CRTAC1: variants seen among roughly 807,000 people sequenced by gnomAD.
CRTAC1 encodes the protein cartilage acidic protein 1.
In CRTAC1, 37 loss-of-function variants were observed where a neutral mutation model predicts 67.8. The observed-to-expected ratio is 0.55, with a 90% CI of 0.42 to 0.72. The LOEUF (loss-of-function observed/expected upper bound fraction) is 0.72. CRTAC1 is among the 30% of genes least tolerant of loss of function. CRTAC1 has a pLI of 0.00. For synonymous variants in CRTAC1, 348 were observed against 371.0 expected, an observed-to-expected ratio of 0.94 and a Z score of 0.71; for missense variants, 780 against 931.6, an observed-to-expected ratio of 0.84 and a Z score of 2.12.
At chr10:98,022,784 A>G (rs1317840003) in intron 1 of CRTAC1, among the ~76,000 whole-genome samples, 1 of 152,044 alleles carries the variant, frequency 6.6e-6, no homozygotes, top group Non-Finnish European at 1.5e-5. Flanking sequence ...CATTTTTGAA[A>G]GGGCATTTTA....
At chr10:98,007,690 G>C (rs1289805136) in intron 2 of CRTAC1, among the ~76,000 whole-genome samples, 3 of 152,190 alleles carry the variant, frequency 2.0e-5, no homozygotes, top group African/African-American at 4.8e-5. Context: ...CTAAATGGCT[G>C]ATTTCACATC....
intron 11 of CRTAC1, among the ~76,000 whole-genome samples, chr10:97,884,877 T>C (rs976012236): frequency 3.9e-5 from 6 of 152,126 alleles, no homozygotes; most frequent in Non-Finnish European, 7.4e-5. Flanking sequence ...GGAAAGAGCA[T>C]GGTGGGAAGT....
intron 1 of CRTAC1, among the ~76,000 whole-genome samples, chr10:98,016,429 C>T (rs944463007): frequency 5.9e-5 from 9 of 152,176 alleles, no homozygotes; most frequent in African/African-American, 1.9e-4. Context: ...TAAAGAAATG[C>T]TCCTCAAAAG....
chr10:97,911,565 G>A (rs951315163), intron 5 of CRTAC1, among the ~76,000 whole-genome samples: 1 of 152,162 alleles, frequency 6.6e-6, no homozygotes, highest in Non-Finnish European at 1.5e-5. Context: ...AGCCCCAGCA[G>A]CTTTACAATG....
At chr10:97,954,260 T>C (rs1240307255) in intron 2 of CRTAC1, among the ~76,000 whole-genome samples, 2 of 152,092 alleles carry the variant, frequency 1.3e-5, no homozygotes, top group African/African-American at 4.8e-5. Context: ...ATTGCTTATC[T>C]TGAGAGGACC....
At chr10:97,914,429 G>A (rs2050730594) in intron 5 of CRTAC1, among the ~76,000 whole-genome samples, 1 of 152,232 alleles carries the variant, frequency 6.6e-6, no homozygotes, top group Non-Finnish European at 1.5e-5. Flanking sequence ...TGCCAGCCAT[G>A]TCCCATGTGC....
chr10:97,960,610 T>A (rs1590240620), intron 2 of CRTAC1, among the ~76,000 whole-genome samples: 2 of 152,194 alleles, frequency 1.3e-5, no homozygotes, highest in South Asian at 4.1e-4. Context: ...GCCCTCCAAG[T>A]CTTTAGCTGA....
At chr10:97,878,493 T>C in intron 14 of CRTAC1, 1 of 821,494 alleles carries the variant, frequency 1.2e-6, no homozygotes, top group Non-Finnish European at 1.6e-6. Context: ...TGCTGCATTC[T>C]TAAGTGTAAT....
intron 3 of CRTAC1, among the ~76,000 whole-genome samples, chr10:97,935,127 G>A (rs78400772): frequency 0.014 from 2,075 of 152,298 alleles, 17 homozygotes; most frequent in Non-Finnish European, 0.021. Context: ...TTGATTAAGA[G>A]GATGGATCTG....
chr10:98,020,715 A>G lies in CRTAC1; in HGVS notation c.25-9378T>C, dbSNP rs183357058. On this transcript the variant is annotated intron_variant, in intron 1 of 14. Transcript: ENST00000370597. ...AGGCTGAGGGGAGCAGGTGCATGGGAGATGTGCAGGTTTGTGTAGTGCAGT... is the reference window on the plus strand; with the variant it reads ...AGGCTGAGGGGAGCAGGTGCATGGGGGATGTGCAGGTTTGTGTAGTGCAGT... Among the ~76,000 whole-genome samples, 13 of 152,254 alleles carry G rather than the reference A, an allele frequency of 8.5e-5. No individual in the cohort carries two copies. The East Asian group carries it at 2.3e-3, about 27-fold the overall frequency.
At chr10:98,014,266 A>G (rs566333433) in intron 1 of CRTAC1, among the ~76,000 whole-genome samples, 3 of 152,344 alleles carry the variant, frequency 2.0e-5, no homozygotes, top group Admixed American at 6.5e-5. Flanking sequence ...ATCCCACTCC[A>G]GACTTAATAA....
At chr10:97,888,462 A>G (rs575965946) in intron 11 of CRTAC1, among the ~76,000 whole-genome samples, 2 of 151,628 alleles carry the variant, frequency 1.3e-5, no homozygotes, top group South Asian at 4.2e-4. Context: ...GAGTGTCAGA[A>G]TGTGTATCAG....
At chr10:98,025,956 G>A (rs948680183) in intron 1 of CRTAC1, among the ~76,000 whole-genome samples, 2 of 152,106 alleles carry the variant, frequency 1.3e-5, no homozygotes, top group Admixed American at 1.3e-4. Context: ...AGGCAAGGAG[G>A]GAGCCCTGCC....
At chr10:97,991,127 AG>A (rs374002371) in intron 2 of CRTAC1, among the ~76,000 whole-genome samples, 18,367 of 114,058 alleles carry the variant, frequency 0.16, 3,474 homozygotes, top group Non-Finnish European at 0.2. Context: ...AAAAAAAAAA[AG>A]ATTATCTCAG....
chr10:97,995,020 T>C (rs1178361425), intron 2 of CRTAC1, among the ~76,000 whole-genome samples: 1 of 152,224 alleles, frequency 6.6e-6, no homozygotes. Flanking sequence ...CAAAGGATAC[T>C]GTGTAGTTGT....
Position 97,975,952 on chromosome 10 carries a change from T to C in CRTAC1, c.224+35186A>G, listed in dbSNP as rs2051793801. ...CGTTCCCCGAACCACATCTTACATC[T>C]TCGGGCCCCTATAGAGACCACTGAC... On this transcript the variant is annotated intron_variant, in intron 2 of 14. Transcript: ENST00000370597. This position sits in a 1 kb window ranked among gnomAD's most constrained non-coding sequence, Gnocchi z 4.8. Among the ~76,000 whole-genome samples the C allele has an allele frequency of 6.6e-6, 1 of 152,152 alleles. No individual in the cohort carries two copies. Among genetic ancestry groups the C allele is most frequent in the Non-Finnish European group, 1.5e-5 (1 of 68,030 alleles).
rs186625129 is a variant in CRTAC1 at position 97,985,539 on chromosome 10, C to T, written c.224+25599G>A. ...AGGTGCTCTTCCTGCTTGCGGTATG[C>T]CTGCTACAGCCACCTCTGGCAGTCA... is the stretch of plus-strand genomic sequence containing the variant. On this transcript the variant is annotated intron_variant, in intron 2 of 14. Coordinates refer to ENST00000370597, the MANE Select transcript of CRTAC1 (RefSeq NM_018058.7). Among the ~76,000 whole-genome samples, 33 of 152,230 alleles carry T rather than the reference C, an allele frequency of 2.2e-4. No homozygotes were observed. The East Asian group carries it at 6.4e-3, about 30-fold the overall frequency.
At position 97,904,740 on chromosome 10, in the gene CRTAC1, C is replaced by T. The variant is rs371761054; in HGVS notation, c.925G>A (p.Val309Ile). 25 of 1,607,676 alleles carry T rather than the reference C, an allele frequency of 1.6e-5. No homozygotes were observed. The highest frequency in any genetic ancestry group is 5.6e-5 in the South Asian group (5 of 90,002). ...DFNRDGKVDI[V>I]YGNWNGPHRL... ...TGGGGGCCATTCCAGTTGCCATAGA[C>T]GATGTCCACTTTGCCATCACGGTTG... Residue 309 changes from valine to isoleucine, a missense_variant, in exon 7 of 15, where the codon GTC becomes ATC. Coordinates refer to ENST00000370597, the MANE Select transcript of CRTAC1 (RefSeq NM_018058.7).
chr10:97,880,401 C>A lies in CRTAC1; in HGVS notation c.1676-9G>T. 3.1e-6 allele frequency: 5 copies of A among 1,611,530 alleles called. No individual in the cohort carries two copies. The highest frequency in any genetic ancestry group is 4.2e-6 in the Non-Finnish European group (5 of 1,177,824). On this transcript the variant is annotated splice_polypyrimidine_tract_variant and intron_variant, in intron 13 of 14. Transcript: ENST00000370597. ...GATGCATTCATTGGTGTCTGCAAGG[C>A]GAGGGGAACCACTCACCATGAAGGT...
Sources: gnomAD v4.1 joint callset for allele counts (sites outside exome capture counted in the v4.1 genomes callset) on GRCh38, gnomAD v4.1.1 for gene constraint, Gnocchi (gnomAD v3.1) non-coding constraint, MANE v1.5 for transcripts, NCBI Gene and HGNC (gene_info 2026-07-23, HGNC 2026-07-21) for gene names.